Variants in TCF7L1 observed in about 807,000 individuals in gnomAD.
The protein encoded by TCF7L1 is transcription factor 7-like 1.
Under a neutral mutation model 63.7 loss-of-function variants are expected in TCF7L1, and 18 were observed. The observed-to-expected ratio is 0.28, with a 90% CI of 0.20 to 0.42. The LOEUF (loss-of-function observed/expected upper bound fraction) is 0.42. Among genes scored for constraint, TCF7L1 ranks in the 10% least tolerant of loss-of-function variants. The pLI is 1.00. For synonymous variants in TCF7L1, 355 were observed against 340.9 expected (o/e 1.04, Z -0.46); for missense variants, 654 against 779.3 (o/e 0.84, Z 1.91).
chr2:85,294,417 G>A (rs760360758), intron 4 of TCF7L1, among the ~76,000 whole-genome samples: 7 of 152,106 alleles, frequency 4.6e-5, no homozygotes, highest in East Asian at 1.9e-4. Context: ...TCAGTGGGTC[G>A]CGGTAGGTCG....
chr2:85,263,645 A>T (rs1680906548), intron 3 of TCF7L1, among the ~76,000 whole-genome samples: 1 of 152,240 alleles, frequency 6.6e-6, no homozygotes, highest in African/African-American at 2.4e-5. Context: ...AGGATGTAGG[A>T]AACAGGATCA....
intron 3 of TCF7L1, among the ~76,000 whole-genome samples, chr2:85,152,727 G>A (rs996789139): frequency 2.2e-5 from 3 of 134,166 alleles, no homozygotes; most frequent in Admixed American, 1.6e-4. Context: ...GAGCCACCAC[G>A]TCCAGCCTAG....
intron 3 of TCF7L1, among the ~76,000 whole-genome samples, chr2:85,198,830 T>C (rs1679213901): frequency 6.6e-6 from 1 of 152,144 alleles, no homozygotes; most frequent in African/African-American, 2.4e-5. Context: ...CACTACACTC[T>C]AGCCTGGGTG....
Position 85,306,233 on chromosome 2 carries a change from G to A in TCF7L1, c.1017G>A (p.Glu339=), listed in dbSNP as rs370071649. ...SVKSPVTVKK[E]EEKKPHVKKP... ...AATCACCAGTCACCGTGAAAAAGGA[G>A]GAGGAAAAGAAGCCCCACGTGAAGA... The change falls in exon 9 of 12, where the codon GAG becomes GAA. Residue 339 remains glutamate (E), a synonymous_variant. Transcript: ENST00000282111. This position sits in a 1 kb window ranked among gnomAD's most constrained non-coding sequence, Gnocchi z 4.3. 7 of 1,614,170 alleles carry A rather than the reference G, an allele frequency of 4.3e-6. No individual in the cohort carries two copies. The African/African-American group carries it at 6.7e-5, about 15-fold the overall frequency.
In TCF7L1 at chr2:85,294,026, A is replaced by ATTTTTTTTTTTTTTTTTT. The variant is rs774050758; in HGVS notation, c.526-8447_526-8430dup. Among the ~76,000 whole-genome samples, 11 of 59,486 alleles carry ATTTTTTTTTTTTTTTTTT rather than the reference A, an allele frequency of 1.8e-4. 1 individual carries two copies. Among genetic ancestry groups the ATTTTTTTTTTTTTTTTTT allele is most frequent in the East Asian group, 8.6e-4 (1 of 1,160 alleles). 39.0% of individuals were successfully genotyped at this position (59,486 alleles called of 152,430 possible). A position where few individuals can be genotyped will look rare whatever the true frequency, so the allele number is the denominator to read the frequency against. ...ATTTAGGTGTGGCCTGAACACTGGG[A>ATTTTTTTTTTTTTTTTTT]TTTTTTTTTTTTTTTTTTTTTTTTT... On this transcript the variant is annotated intron_variant, in intron 4 of 11. Transcript: ENST00000282111.
intron 3 of TCF7L1, among the ~76,000 whole-genome samples, chr2:85,190,444 G>A (rs1000396182): frequency 1.3e-5 from 2 of 152,154 alleles, no homozygotes; most frequent in African/African-American, 2.4e-5. Context: ...GCCAGTCTTG[G>A]GTGGCTGGTT....
chr2:85,171,038 GA>G (rs200885962), intron 3 of TCF7L1, among the ~76,000 whole-genome samples: 1 of 151,990 alleles, frequency 6.6e-6, no homozygotes, highest in Non-Finnish European at 1.5e-5. Flanking sequence ...AATTTATAAA[GA>G]AAAAAAGGTT....
At chr2:85,303,546 G>T in intron 5 of TCF7L1, 1 of 219,966 alleles carries the variant, frequency 4.5e-6, no homozygotes, top group Non-Finnish European at 8.9e-6. Context: ...GAATGAGGCG[G>T]GCTTTCTAGA....
At chr2:85,263,337 A>G (rs957826363) in intron 3 of TCF7L1, among the ~76,000 whole-genome samples, 2 of 150,802 alleles carry the variant, frequency 1.3e-5, no homozygotes, top group African/African-American at 2.4e-5. Flanking sequence ...AAGTAATGCA[A>G]TCACAGGAAG....
chr2:85,215,583 A>G (rs1436841009), intron 3 of TCF7L1, among the ~76,000 whole-genome samples: 1 of 152,172 alleles, frequency 6.6e-6, no homozygotes, highest in Non-Finnish European at 1.5e-5. Context: ...GCTGTGCCGA[A>G]CATCTGGCTC....
At position 85,241,437 on chromosome 2, in the gene TCF7L1, G is replaced by GTT. The variant is rs772334481; in HGVS notation, c.442-42031_442-42030dup. Among the ~76,000 whole-genome samples, 78 of 83,066 alleles carry GTT rather than the reference G, an allele frequency of 9.4e-4. 1 individual carries two copies. The highest frequency in any genetic ancestry group is 1.3e-3 in the Non-Finnish European group (49 of 38,998). The allele number at this position is 83,066 out of a possible 152,430, so 54.5% of individuals were successfully genotyped here. A position where few individuals can be genotyped will look rare whatever the true frequency, so the allele number is the denominator to read the frequency against. ...AGAGGACTGGATGCACTTTGTTTTTGTTTTTTTTTTTTTTTTTTTTTTTTT... is the reference window on the plus strand; with the variant it reads ...AGAGGACTGGATGCACTTTGTTTTTGTTTTTTTTTTTTTTTTTTTTTTTTTTT... On this transcript the variant is annotated intron_variant, in intron 3 of 11. Coordinates refer to ENST00000282111, the MANE Select transcript of TCF7L1 (RefSeq NM_031283.3).
At chr2:85,289,033 C>T (rs1681624817) in intron 4 of TCF7L1, among the ~76,000 whole-genome samples, 1 of 152,172 alleles carries the variant, frequency 6.6e-6, no homozygotes, top group South Asian at 2.1e-4. Flanking sequence ...CTTCTCTACC[C>T]ACATTTACCC....
chr2:85,138,008 A>G (rs1040014568), intron 3 of TCF7L1, among the ~76,000 whole-genome samples: 3 of 152,302 alleles, frequency 2.0e-5, no homozygotes, highest in African/African-American at 4.8e-5. Context: ...GTGGTTCAGC[A>G]AGCCAGCTAC....
chr2:85,136,064 T>G (rs897719517), intron 3 of TCF7L1, among the ~76,000 whole-genome samples: 1 of 152,114 alleles, frequency 6.6e-6, no homozygotes, highest in African/African-American at 2.4e-5. Flanking sequence ...GGAGAGTTAA[T>G]GCCGCTAAAG....
Position 85,134,339 on chromosome 2 carries a change from C to A in TCF7L1, c.330C>A (p.Asp110Glu). The change falls in exon 3 of 12, where the codon GAC becomes GAA. Residue 110 changes from aspartate to glutamate, a missense_variant. Around this residue, in one of 3 missense-constraint regions of TCF7L1, gnomAD observed 404 missense variants for 454.8 expected, o/e 0.89. Transcript: ENST00000282111. This position sits in a 1 kb window ranked among gnomAD's most constrained non-coding sequence, Gnocchi z 5.0. ...DYFAEVRRPQ[D>E]SAFFKGPPYP... ...TGTTCGCAGTGAGAAGGCCTCAGGA[C>A]AGCGCGTTCTTTAAAGGACCCCCGT... 6.3e-7 allele frequency: 1 copy of A among 1,584,936 alleles called. No homozygotes were observed. The highest frequency in any genetic ancestry group is 8.6e-7 in the Non-Finnish European group (1 of 1,164,856).
intron 11 of TCF7L1, among the ~76,000 whole-genome samples, chr2:85,308,650 G>A (rs1435900581): frequency 5.3e-5 from 8 of 150,462 alleles, no homozygotes; most frequent in Admixed American, 1.3e-4. Context: ...TACAGAACCC[G>A]CTGTCTGGCA....
intron 3 of TCF7L1, among the ~76,000 whole-genome samples, chr2:85,210,409 G>A (rs1349339555): frequency 1.3e-5 from 2 of 152,238 alleles, no homozygotes; most frequent in African/African-American, 4.8e-5. Flanking sequence ...CAAGTGTGAA[G>A]GGCTAGGAGA....
intron 4 of TCF7L1, among the ~76,000 whole-genome samples, chr2:85,286,556 C>T (rs532978320): frequency 6.6e-5 from 10 of 151,954 alleles, no homozygotes; most frequent in Non-Finnish European, 1.3e-4. Context: ...AGTGCAATGG[C>T]GCGATCTTGG....
intron 3 of TCF7L1, chr2:85,217,103 C>T (rs539279842): frequency 6.6e-6 from 1 of 152,300 alleles, no homozygotes; most frequent in South Asian, 2.1e-4. Flanking sequence ...GAATATGAGG[C>T]ATTGTTTAAG....
Sources: allele counts gnomAD v4.1 joint callset (sites outside exome capture counted in the v4.1 genomes callset), GRCh38; gene constraint gnomAD v4.1.1; regional missense constraint gnomAD v4.1.1; non-coding constraint Gnocchi (gnomAD v3.1); transcripts MANE v1.5; gene names NCBI Gene and HGNC (gene_info 2026-07-23, HGNC 2026-07-21).